The following FBXW8 variants were observed in gnomAD, a reference collection of about 807,000 sequenced individuals.
The protein encoded by FBXW8 is F-box/WD repeat-containing protein 8.
A neutral mutation model predicts 65.3 loss-of-function variants in FBXW8; 57 were observed. The ratio of observed to expected loss-of-function variants is 0.87; its 90% CI spans 0.71 to 1.09. FBXW8 has a LOEUF of 1.09. Ranked by LOEUF, FBXW8 falls within the 50% of genes least tolerant of loss-of-function variation. The pLI, the probability that FBXW8 is intolerant of heterozygous loss-of-function variation, is 0.00. For missense variants in FBXW8, 777 were observed against 814.8 expected (o/e 0.95, Z 0.57); for synonymous variants, 308 against 330.2 (o/e 0.93, Z 0.73).
intron 5 of FBXW8, chr12:116,978,702 C>T (rs1885111140): frequency 1.3e-5 from 2 of 152,158 alleles, no homozygotes; most frequent in Non-Finnish European, 2.9e-5. Context: ...ACAAGACCAG[C>T]TCTGTAGTTG....
chr12:116,999,719 A>G (rs541165189), intron 7 of FBXW8, among the ~76,000 whole-genome samples: 1 of 152,228 alleles, frequency 6.6e-6, no homozygotes, highest in South Asian at 2.1e-4. Flanking sequence ...GTGGGGAGTC[A>G]GGCCCCATCT....
intron 8 of FBXW8, among the ~76,000 whole-genome samples, chr12:117,013,624 A>AT (rs1283643472): frequency 3.3e-5 from 5 of 152,270 alleles, no homozygotes; most frequent in Admixed American, 3.3e-4. Flanking sequence ...TTAAAAAAAA[A>AT]TTTTTCACAT....
chr12:116,984,881 T>C (rs1304433411), intron 5 of FBXW8, among the ~76,000 whole-genome samples: 1 of 152,110 alleles, frequency 6.6e-6, no homozygotes, highest in Non-Finnish European at 1.5e-5. Flanking sequence ...TCCTGTCTAT[T>C]TGGGAGGCTG....
intron 5 of FBXW8, chr12:116,980,114 T>A (rs1439166194): frequency 6.6e-6 from 1 of 152,160 alleles, no homozygotes; most frequent in East Asian, 1.9e-4. Flanking sequence ...GTAGAAGACC[T>A]CCTGGAATGG....
At chr12:116,974,627 A>G (rs1428158764) in intron 5 of FBXW8, among the ~76,000 whole-genome samples, 1 of 152,196 alleles carries the variant, frequency 6.6e-6, no homozygotes, top group African/African-American at 2.4e-5. Context: ...CTGTCATCCA[A>G]TAAAAATGAA....
chr12:117,002,055 T>A (rs931497218), intron 7 of FBXW8, among the ~76,000 whole-genome samples: 6 of 152,198 alleles, frequency 3.9e-5, no homozygotes, highest in African/African-American at 1.2e-4. Context: ...GCTCTGTGGG[T>A]TCCTTTCAGG....
intron 2 of FBXW8, among the ~76,000 whole-genome samples, chr12:116,932,763 A>G (rs1014962720): frequency 6.6e-6 from 1 of 152,082 alleles, no homozygotes; most frequent in Non-Finnish European, 1.5e-5. Flanking sequence ...CCATCTCTTG[A>G]CCTCGTGATC....
At chr12:117,011,648 A>C (rs1953821532) in intron 8 of FBXW8, among the ~76,000 whole-genome samples, 1 of 152,082 alleles carries the variant, frequency 6.6e-6, no homozygotes, top group South Asian at 2.1e-4. Context: ...AGCTATACAG[A>C]GGCTCCAAGC....
At chr12:116,941,651 A>C (rs953975878) in intron 2 of FBXW8, among the ~76,000 whole-genome samples, 1 of 152,204 alleles carries the variant, frequency 6.6e-6, no homozygotes, top group Non-Finnish European at 1.5e-5. Context: ...TCAGATTTTG[A>C]CACCAAGATA....
chr12:116,995,533 GA>G (rs1953354136), intron 7 of FBXW8, among the ~76,000 whole-genome samples: 1 of 152,094 alleles, frequency 6.6e-6, no homozygotes, highest in Admixed American at 6.5e-5. Context: ...ATTGCTGGCA[GA>G]AAGTATTGGG....
At chr12:117,007,785 A>G (rs896992996) in intron 7 of FBXW8, among the ~76,000 whole-genome samples, 1 of 152,176 alleles carries the variant, frequency 6.6e-6, no homozygotes, top group Non-Finnish European at 1.5e-5. Flanking sequence ...AATCAGATAA[A>G]ATGAAGTCCC....
intron 8 of FBXW8, among the ~76,000 whole-genome samples, chr12:117,023,463 A>G (rs1190417188): frequency 6.6e-6 from 1 of 152,128 alleles, no homozygotes; most frequent in Non-Finnish European, 1.5e-5. Flanking sequence ...TGGATACGAG[A>G]TTTCTGTCCC....
At chr12:116,952,421 T>C (rs1369988721) in intron 4 of FBXW8, among the ~76,000 whole-genome samples, 2 of 152,230 alleles carry the variant, frequency 1.3e-5, no homozygotes, top group East Asian at 3.9e-4. Context: ...TTTACAAGGT[T>C]GTGCAACCAA....
At chr12:117,023,614 G>A (rs745543744) in intron 8 of FBXW8, among the ~76,000 whole-genome samples, 6 of 152,150 alleles carry the variant, frequency 3.9e-5, no homozygotes, top group Non-Finnish European at 5.9e-5. Context: ...CCTTATCCCC[G>A]CTCTGCTGTG....
In FBXW8 at chr12:116,961,398, G is replaced by A. The variant is rs1365502347; in HGVS notation, c.678-3299G>A. Among the ~76,000 whole-genome samples the A allele has an allele frequency of 6.6e-6, 1 of 152,184 alleles. No individual in the cohort carries two copies. The highest frequency in any genetic ancestry group is 1.9e-4 in the East Asian group (1 of 5,188). ...TGAGGAGGTGAGGTACTGCAGCAAG[G>A]TGGGGCAGAGAATCAGAGTTCAGAG... On this transcript the variant is annotated intron_variant, in intron 4 of 10. Coordinates refer to ENST00000652555, the MANE Select transcript of FBXW8 (RefSeq NM_153348.3). The surrounding 1 kb of genome is among the most constrained non-coding windows in gnomAD (Gnocchi z 4.4).
chr12:116,916,563 T>C (rs1880425395), intron 1 of FBXW8, among the ~76,000 whole-genome samples: 1 of 152,008 alleles, frequency 6.6e-6, no homozygotes, highest in African/African-American at 2.4e-5. Flanking sequence ...TAATTGGGAA[T>C]ATGTATTTTT....
rs77264855 is a variant in FBXW8 at position 116,913,744 on chromosome 12, G to A, written c.318+2389G>A. ...AACCTGCATACAAGTGGACCCACGC[G>A]GTTCAAACCCATGTTGTTCAAGGGT... On this transcript the variant is annotated intron_variant, in intron 1 of 10. Transcript: ENST00000652555. Among the ~76,000 whole-genome samples the A allele has an allele frequency of 5.2e-3, 788 of 152,230 alleles. 6 individuals carry two copies. The highest frequency in any genetic ancestry group is 0.018 in the African/African-American group (732 of 41,510).
intron 8 of FBXW8, among the ~76,000 whole-genome samples, chr12:117,011,182 G>C (rs1185903744): frequency 7.7e-6 from 1 of 129,128 alleles, no homozygotes; most frequent in Non-Finnish European, 1.5e-5. Flanking sequence ...GCCCTGAAGA[G>C]AGGTAGCATG....
chr12:117,028,099 G>C lies in FBXW8; in HGVS notation c.1724G>C (p.Cys575Ser), dbSNP rs536679658. Residue 575 changes from cysteine to serine, a missense_variant, in exon 11 of 11, where the codon TGC becomes TCC. By Grantham distance (112) the Cys-to-Ser change is moderately radical. Coordinates refer to ENST00000652555, the MANE Select transcript of FBXW8 (RefSeq NM_153348.3). The surrounding 1 kb of genome is among the most constrained non-coding windows in gnomAD (Gnocchi z 4.1). ...QLAFQSPLPV[C>S]RSSCDAMATH... ...GCCTTCCAGAGCCCTCTCCCTGTCT[G>C]CCGTTCATCCTGTGACGCCATGGCC... 6 of 1,614,134 alleles carry C rather than the reference G, an allele frequency of 3.7e-6. No homozygotes were observed. The African/African-American group carries it at 8.0e-5, about 22-fold the overall frequency.
Sources: gnomAD v4.1 joint callset for allele counts (sites outside exome capture counted in the v4.1 genomes callset) on GRCh38, gnomAD v4.1.1 for gene constraint, Gnocchi (gnomAD v3.1) non-coding constraint, MANE v1.5 for transcripts, NCBI Gene and HGNC (gene_info 2026-07-23, HGNC 2026-07-21) for gene names.